PCDH7: variants seen among roughly 807,000 people sequenced by gnomAD.
PCDH7 encodes the protein protocadherin-7.
A neutral mutation model predicts 58.9 loss-of-function variants in PCDH7; 17 were observed. The observed-to-expected ratio is 0.29, with a 90% CI of 0.20 to 0.43. PCDH7 has a LOEUF of 0.43. PCDH7 is among the 20% of genes least tolerant of loss of function. PCDH7 has a pLI of 1.00. For missense variants in PCDH7, 1,274 were observed against 1,441.0 expected (o/e 0.88, Z 1.88); for synonymous variants, 664 against 616.4 (o/e 1.08, Z -1.14).
At chr4:30,816,258 C>G (rs866654709) in intron 1 of PCDH7, among the ~76,000 whole-genome samples, 1 of 151,956 alleles carries the variant, frequency 6.6e-6, no homozygotes, top group East Asian at 1.9e-4. Context: ...GTCATGTTCT[C>G]TCTTGAGTTT....
In PCDH7 at chr4:30,781,990, T is replaced by C. The variant is rs1722865462; in HGVS notation, c.70+57394T>C. The stretch of plus-strand genomic sequence containing the variant: ...ATAGACTTCCCTTTCTTTGATTGGA[T>C]AGAATGAGTCTTTTAATTAATTCTT... On this transcript the variant is annotated intron_variant, in intron 1 of 3. Coordinates refer to the PCDH7 transcript ENST00000509759. 2.0e-5 allele frequency among the ~76,000 whole-genome samples: 3 copies of C among 152,214 alleles called. No individual in the cohort carries two copies. The South Asian group carries it at 6.2e-4, about 31-fold the overall frequency.
intron 3 of PCDH7, among the ~76,000 whole-genome samples, chr4:30,964,250 A>ATTTATTT (rs1269518069): frequency 5.5e-4 from 59 of 106,780 alleles, no homozygotes; most frequent in East Asian, 2.2e-3. Flanking sequence ...TTATTTATTT[A>ATTTATTT]TTTTTTTTTG....
At chr4:30,797,746 G>A (rs1261729175) in intron 1 of PCDH7, among the ~76,000 whole-genome samples, 1 of 152,044 alleles carries the variant, frequency 6.6e-6, no homozygotes, top group Non-Finnish European at 1.5e-5. Flanking sequence ...TTACTAGATT[G>A]CTTACTAAAC....
exon 2 of PCDH7, chr4:30,732,443 G>A (rs959102649): frequency 9.2e-5 from 14 of 152,176 alleles, no homozygotes; most frequent in African/African-American, 3.4e-4. Context: ...CAATCACATA[G>A]AAGTGATATT....
At chr4:31,077,446 A>C (rs556776192) in intron 3 of PCDH7, among the ~76,000 whole-genome samples, 1 of 152,234 alleles carries the variant, frequency 6.6e-6, no homozygotes, top group Admixed American at 6.5e-5. Context: ...AAAGAAAAAA[A>C]ATATGCAAGT....
At chr4:30,872,744 T>A (rs995392213) in intron 1 of PCDH7, among the ~76,000 whole-genome samples, 4 of 152,126 alleles carry the variant, frequency 2.6e-5, no homozygotes, top group African/African-American at 9.7e-5. Flanking sequence ...GCAGAGGCAG[T>A]GTAACAAATT....
At chr4:31,002,638 C>A (rs1752444053) in intron 3 of PCDH7, among the ~76,000 whole-genome samples, 1 of 152,150 alleles carries the variant, frequency 6.6e-6, no homozygotes, top group Non-Finnish European at 1.5e-5. Context: ...TAGAATATTT[C>A]TTTAAATAAA....
downstream of PCDH7, among the ~76,000 whole-genome samples, chr4:30,736,598 C>G (rs893111125): frequency 6.7e-6 from 1 of 148,770 alleles, no homozygotes; most frequent in Non-Finnish European, 1.5e-5. Context: ...TGTAGTTCCG[C>G]GATCTCGGCT....
chr4:31,132,236 AAG>A (rs1171887425), intron 3 of PCDH7, among the ~76,000 whole-genome samples: 2 of 152,134 alleles, frequency 1.3e-5, no homozygotes, highest in Non-Finnish European at 2.9e-5. Context: ...TATGGAAGAA[AAG>A]AGAGTTTAAG....
chr4:30,919,467 C>T (rs371287641), intron 1 of PCDH7, among the ~76,000 whole-genome samples: 3 of 151,976 alleles, frequency 2.0e-5, no homozygotes, highest in Admixed American at 6.6e-5. Context: ...CTTTATTGAA[C>T]GAATCACAAA....
In PCDH7 at chr4:30,813,787, G is replaced by A. The variant is rs548769388; in HGVS notation, c.70+89191G>A. ...ATCCTGAGTCACTGAGATTACAGGC[G>A]CCTGCCACCACACCCGGCAAATTTT... is the stretch of plus-strand genomic sequence containing the variant. On this transcript the variant is annotated intron_variant, in intron 1 of 3. Coordinates refer to the PCDH7 transcript ENST00000509759. 8.6e-5 allele frequency among the ~76,000 whole-genome samples: 13 copies of A among 152,044 alleles called. No individual in the cohort carries two copies. In the East Asian group the frequency reaches 1.2e-3, roughly 14 times the overall value.
At chr4:30,869,187 A>G (rs1343033658) in intron 1 of PCDH7, 1 of 152,124 alleles carries the variant, frequency 6.6e-6, no homozygotes, top group Non-Finnish European at 1.5e-5. Flanking sequence ...CTTCATGTAA[A>G]AAAGAATTTT....
At chr4:30,930,209 A>G (rs893436887) in intron 2 of PCDH7, among the ~76,000 whole-genome samples, 1 of 152,176 alleles carries the variant, frequency 6.6e-6, no homozygotes, top group Non-Finnish European at 1.5e-5. Flanking sequence ...TGAAGGGTGG[A>G]AAAGTAGGGA....
At position 30,806,900 on chromosome 4, in the gene PCDH7, T is replaced by A. The variant is rs144724664; in HGVS notation, c.70+82304T>A. On this transcript the variant is annotated intron_variant, in intron 1 of 3. Coordinates refer to the PCDH7 transcript ENST00000509759. ...ATTGTAGAGTGTCACTTGTTTTACCTGATTATCTACATTTTCATCATCCAA... is the reference window on the plus strand; with the variant it reads ...ATTGTAGAGTGTCACTTGTTTTACCAGATTATCTACATTTTCATCATCCAA... Among the ~76,000 whole-genome samples, 4 of 152,244 alleles carry A rather than the reference T, an allele frequency of 2.6e-5. No individual in the cohort carries two copies. In the East Asian group the frequency reaches 7.8e-4, roughly 30 times the overall value.
chr4:30,847,880 G>C (rs1732193764), intron 1 of PCDH7, among the ~76,000 whole-genome samples: 1 of 151,890 alleles, frequency 6.6e-6, no homozygotes, highest in Middle Eastern at 3.2e-3. Flanking sequence ...TCTAAACCTA[G>C]TAATATATCA....
At chr4:30,860,308 ACT>A (rs1276681221) in intron 1 of PCDH7, among the ~76,000 whole-genome samples, 3 of 152,078 alleles carry the variant, frequency 2.0e-5, no homozygotes, top group African/African-American at 7.2e-5. Context: ...AATTCAGTGA[ACT>A]CTCTGATTGT....
chr4:30,829,714 T>A (rs1187571828), intron 1 of PCDH7, among the ~76,000 whole-genome samples: 1 of 152,034 alleles, frequency 6.6e-6, no homozygotes, highest in African/African-American at 2.4e-5. Context: ...CCTAGTAAAC[T>A]GGGAGGTGGG....
intron 3 of PCDH7, among the ~76,000 whole-genome samples, chr4:31,046,322 C>T (rs1756281958): frequency 6.6e-6 from 1 of 151,878 alleles, no homozygotes; most frequent in South Asian, 2.1e-4. Flanking sequence ...AGTCAGATTT[C>T]TTGGGCTTAA....
chr4:30,844,849 G>T (rs1731705664), intron 1 of PCDH7, among the ~76,000 whole-genome samples: 1 of 152,132 alleles, frequency 6.6e-6, no homozygotes, highest in Admixed American at 6.6e-5. Context: ...AATCAGGTGG[G>T]CTAGCCATGC....
Sources: allele counts gnomAD v4.1 joint callset (sites outside exome capture counted in the v4.1 genomes callset), GRCh38; gene constraint gnomAD v4.1.1; transcripts MANE v1.5; gene names NCBI Gene and HGNC (gene_info 2026-07-23, HGNC 2026-07-21).